Variants in NOTCH4 observed in about 807,000 individuals in gnomAD.
NOTCH4 encodes the protein neurogenic locus notch homolog protein 4.
In NOTCH4, 138 loss-of-function variants were observed where a neutral mutation model predicts 189.0. The observed-to-expected ratio is 0.73, with a 90% CI of 0.64 to 0.84. The LOEUF (loss-of-function observed/expected upper bound fraction) is 0.84, where lower values mean the gene tolerates loss of function less well. NOTCH4 is among the 40% of genes least tolerant of loss of function. The pLI is 0.00. For missense variants in NOTCH4, 2,286 were observed against 2,605.4 expected, an observed-to-expected ratio of 0.88 and a Z score of 2.67; for synonymous variants, 942 against 1,032.8, an observed-to-expected ratio of 0.91 and a Z score of 1.69.
Position 32,219,575 on chromosome 6 carries a change from C to T in NOTCH4, c.1510+17G>A. The T allele has an allele frequency of 6.2e-7, 1 of 1,609,218 alleles. No homozygotes were observed. The highest frequency in any genetic ancestry group is 8.5e-7 in the Non-Finnish European group (1 of 1,178,022). ...AGTTCCCTGTTTTCCCCACCCAAGGCCCCATCCAGCTGATACCTGGCGGGC... is the reference window on the plus strand; with the variant it reads ...AGTTCCCTGTTTTCCCCACCCAAGGTCCCATCCAGCTGATACCTGGCGGGC... On this transcript the variant is annotated intron_variant, in intron 8 of 29. Coordinates refer to ENST00000375023, the MANE Select transcript of NOTCH4 (RefSeq NM_004557.4).
At position 32,203,816 on chromosome 6, in the gene NOTCH4, T is replaced by C. The variant is rs775089646; in HGVS notation, c.3185A>G (p.Glu1062Gly). The part of the protein sequence containing the change: ...SQPCFHGGTC[E>G]ATAGSPLGFI... ...ACCCAGGGGTGATCCTGCTGTGGCC[T>C]CACAGGTCCCTCCATGAAAGCAGGG... The change falls in exon 20 of 30, where the codon GAG becomes GGG. Residue 1062 changes from glutamate (E) to glycine (G), a missense_variant. Around this residue, in one of 2 missense-constraint regions of NOTCH4, gnomAD observed 1,903 missense variants for 2,261.9 expected, o/e 0.84. Transcript: ENST00000375023. The C allele has an allele frequency of 1.8e-5, 28 of 1,561,808 alleles. No individual in the cohort carries two copies. The highest frequency in any genetic ancestry group is 2.4e-5 in the Non-Finnish European group (28 of 1,152,538).
chr6:32,196,247 C>T lies in NOTCH4; in HGVS notation c.5298+77G>A, dbSNP rs553717397. 1.5e-5 allele frequency: 24 copies of T among 1,612,398 alleles called. 1 individual carries two copies. In the South Asian group the frequency reaches 2.3e-4, roughly 15 times the overall value. On this transcript the variant is annotated intron_variant, in intron 29 of 29. Transcript: ENST00000375023. ...GCGCGACCACTGGCCCCTATCCCTT[C>T]AGGCTTTGCGGGTTACCGCACTTTC...
At position 32,210,637 on chromosome 6, in the gene NOTCH4, TA is replaced by T. The variant is rs1788950385; in HGVS notation, c.2865+114del. 4.2e-4 allele frequency: 428 copies of T among 1,024,112 alleles called. No individual in the cohort carries two copies. The highest frequency in any genetic ancestry group is 5.0e-4 in the Non-Finnish European group (342 of 679,522). 63.4% of individuals were successfully genotyped at this position (1,024,112 alleles called of 1,614,324 possible). On this transcript the variant is annotated intron_variant, in intron 18 of 29. Coordinates refer to ENST00000375023, the MANE Select transcript of NOTCH4 (RefSeq NM_004557.4). The surrounding 1 kb of genome is among the most constrained non-coding windows in gnomAD (Gnocchi z 4.8). ...TTGTGGTTAGTTGGGTGTGTGGGGT[TA>T]AAAAAAATAAAAGGAGGTGAAATGG... is the stretch of plus-strand genomic sequence containing the variant.
At chr6:32,207,756 C>T (rs527629660) in intron 18 of NOTCH4, among the ~76,000 whole-genome samples, 141 of 151,778 alleles carry the variant, frequency 9.3e-4, no homozygotes, top group African/African-American at 3.1e-3. Context: ...CAGCCGGGCA[C>T]GGTGGGTCAC....
At position 32,219,747 on chromosome 6, in the gene NOTCH4, C is replaced by T. The variant is rs2127485904; in HGVS notation, c.1355G>A (p.Cys452Tyr). The T allele has an allele frequency of 6.2e-7, 1 of 1,612,682 alleles. No individual in the cohort carries two copies. Among genetic ancestry groups the T allele is most frequent in the Non-Finnish European group, 8.5e-7 (1 of 1,179,798 alleles). Residue 452 changes from cysteine (C) to tyrosine (Y), a missense_variant, in exon 8 of 30, where the codon TGC (cysteine) becomes TAC (tyrosine). Cys to Tyr is a radical substitution (Grantham distance 194, BLOSUM62 -2). Transcript: ENST00000375023. ...GTTGAAGGAGCCAGGAGTGTTGAGG[C>T]AGGAACCGCCATGTTCACAGGGACT... The part of the protein sequence containing the change: ...GPSPCEHGGS[C>Y]LNTPGSFNCL...
intron 18 of NOTCH4, among the ~76,000 whole-genome samples, chr6:32,209,622 C>T (rs1030727940): frequency 6.6e-6 from 1 of 152,118 alleles, no homozygotes; most frequent in Non-Finnish European, 1.5e-5. Flanking sequence ...GTGGCTCATA[C>T]CTGTAATCTT....
At position 32,195,441 on chromosome 6, in the gene NOTCH4, T is replaced by G; in HGVS notation, c.6008A>C (p.Lys2003Thr). Residue 2003 changes from lysine to threonine, a missense_variant, in exon 30 of 30, where the codon AAA becomes ACA. Transcript: ENST00000375023. This position sits in a 1 kb window ranked among gnomAD's most constrained non-coding sequence, Gnocchi z 5.4. ...TCCTCCCTACCATGTATTCTTCTAT[T>G]TTTTACCCTCTCCTCCTTGGTTTAT... Reference protein sequence around the residue: ...MPINQGGEGKK With the variant: ...MPINQGGEGKT 6.3e-7 allele frequency: 1 copy of G among 1,587,294 alleles called. No individual in the cohort carries two copies. Among genetic ancestry groups the G allele is most frequent in the Non-Finnish European group, 8.6e-7 (1 of 1,166,796 alleles).
In NOTCH4 at chr6:32,223,843, C is replaced by T. The variant is rs3134930; in HGVS notation, c.73+13G>A. The T allele has an allele frequency of 0.25, 393,657 of 1,602,948 alleles. 50,663 individuals carry two copies. The highest frequency in any genetic ancestry group is 0.31 in the Middle Eastern group (1,841 of 6,008). ...GAGCTGGGTCCCCTCACCTCACCCA[C>T]GCCATGCCTCACCTCTGGGTCTGAC... is the stretch of plus-strand genomic sequence containing the variant. On this transcript the variant is annotated intron_variant, in intron 1 of 29. Coordinates refer to ENST00000375023, the MANE Select transcript of NOTCH4 (RefSeq NM_004557.4).
rs557911728 is a variant in NOTCH4 at position 32,213,199 on chromosome 6, G to C, written c.2374C>G (p.Leu792Val). ...GGGCCCTGGAAGCCCATGGCACAGA[G>C]GCAGGAGAAGGTGCCAGGCCTGTTC... ...CVNRPGTFSC[L>V]CAMGFQGPRC... Residue 792 changes from leucine (L) to valine (V), a missense_variant, in exon 15 of 30, where the codon CTC becomes GTC. This residue lies in a region of NOTCH4 where 1,903 missense variants were observed against 2,261.9 expected (regional missense o/e 0.84). Coordinates refer to ENST00000375023, the MANE Select transcript of NOTCH4 (RefSeq NM_004557.4). 1 of 1,614,044 alleles carries C rather than the reference G, an allele frequency of 6.2e-7. No homozygotes were observed. The highest frequency in any genetic ancestry group is 1.1e-5 in the South Asian group (1 of 91,080).
In NOTCH4 at chr6:32,212,341, G is replaced by A; in HGVS notation, c.2680+133C>T. 1 of 802,930 alleles carries A rather than the reference G, an allele frequency of 1.2e-6. No homozygotes were observed. The highest frequency in any genetic ancestry group is 2.0e-6 in the Non-Finnish European group (1 of 500,318). The allele number at this position is 802,930 out of a possible 1,614,324, so 49.7% of individuals were successfully genotyped here. A position where few individuals can be genotyped will look rare whatever the true frequency, so the allele number is the denominator to read the frequency against. On this transcript the variant is annotated intron_variant, in intron 17 of 29. Transcript: ENST00000375023. The surrounding 1 kb of genome is among the most constrained non-coding windows in gnomAD (Gnocchi z 4.4). Reference sequence around the variant, plus strand: ...TTCAACACCTCTGCAATCAAGAACTGATTTGTCTGTGTGGTTTTGATTCTC... The same window carrying A: ...TTCAACACCTCTGCAATCAAGAACTAATTTGTCTGTGTGGTTTTGATTCTC...
chr6:32,217,061 T>C lies in NOTCH4; in HGVS notation c.1745A>G (p.Glu582Gly). The C allele has an allele frequency of 6.2e-7, 1 of 1,613,078 alleles. No homozygotes were observed. The highest frequency in any genetic ancestry group is 1.1e-5 in the South Asian group (1 of 91,086). The change falls in exon 11 of 30, where the codon GAA (glutamate) becomes GGA (glycine). Residue 582 changes from glutamate to glycine, a missense_variant. Coordinates refer to ENST00000375023, the MANE Select transcript of NOTCH4 (RefSeq NM_004557.4). The surrounding 1 kb of genome is among the most constrained non-coding windows in gnomAD (Gnocchi z 4.2). ...AFHCKCLPGFEGPRCQTEVDE... is the reference protein window; with the variant it reads ...AFHCKCLPGFGGPRCQTEVDE... ...CACCTCTGTTTGACAGCGTGGCCCT[T>C]CAAAGCCTGTGGCACAGCAGGAAGG... is the stretch of plus-strand genomic sequence containing the variant.
chr6:32,197,208 T>C (rs1788002402), intron 27 of NOTCH4, 91 bp downstream of exon 27: 1 of 1,515,974 alleles, frequency 6.6e-7, no homozygotes, highest in South Asian at 1.3e-5. Flanking sequence ...ATCACACCAA[T>C]TTCCTCCTTG....
rs749370123 is a variant in NOTCH4 at position 32,223,948 on chromosome 6, G to T, written c.-20C>A. 1 of 1,588,460 alleles carries T rather than the reference G, an allele frequency of 6.3e-7. No homozygotes were observed. Among genetic ancestry groups the T allele is most frequent in the Non-Finnish European group, 8.5e-7 (1 of 1,174,090 alleles). On this transcript the variant is annotated 5_prime_UTR_variant, in exon 1 of 30. Transcript: ENST00000375023. ...CTGCATTCCACAGCCCCTTCTCCAA[G>T]CCCCGGTCCCTGTCCCTCTTCAGGC...
rs1410160200 is a variant in NOTCH4, at chr6:32,196,152, T to C, written c.5299-2A>G. The C allele has an allele frequency of 1.9e-6, 3 of 1,589,234 alleles. No homozygotes were observed. Among genetic ancestry groups the C allele is most frequent in the Non-Finnish European group, 2.6e-6 (3 of 1,173,734 alleles). ...CGCCAGGAATAGCGGCGTCTGCTCC[T>C]GTACAGAAGAGCCAGGGCCGATATC... On this transcript the variant is annotated splice_acceptor_variant, in intron 29 of 29. Transcript: ENST00000375023. LOFTEE classifies it high-confidence loss of function.
At position 32,195,862 on chromosome 6, in the gene NOTCH4, T is replaced by C. The variant is rs1208783268; in HGVS notation, c.5587A>G (p.Thr1863Ala). 2.5e-6 allele frequency: 4 copies of C among 1,595,466 alleles called. No homozygotes were observed. The highest frequency in any genetic ancestry group is 1.1e-5 in the South Asian group (1 of 90,592). Residue 1863 changes from threonine (T) to alanine (A), a missense_variant, in exon 30 of 30, where the codon ACG (threonine) becomes GCG (alanine). By Grantham distance (58) the Thr-to-Ala change is moderately conservative. This residue lies in a region of NOTCH4 where 383 missense variants were observed against 343.5 expected (regional missense o/e 1.11). Transcript: ENST00000375023. This position sits in a 1 kb window ranked among gnomAD's most constrained non-coding sequence, Gnocchi z 5.4. ...CGAGGGCCTGCTCCGGCTGACAGCG[T>C]CCGGCAGCGCGGCAGAGCCCCGCCC... ...HGGGALPRCR[T>A]LSAGAGPRGG...
In NOTCH4 at chr6:32,198,675, G is replaced by A; in HGVS notation, c.4591C>T (p.Pro1531Ser). The change falls in exon 25 of 30, where the codon CCT becomes TCT. Residue 1531 changes from proline to serine, a missense_variant. Around this residue, in one of 2 missense-constraint regions of NOTCH4, gnomAD observed 1,903 missense variants for 2,261.9 expected, o/e 0.84. Coordinates refer to ENST00000375023, the MANE Select transcript of NOTCH4 (RefSeq NM_004557.4). This position sits in a 1 kb window ranked among gnomAD's most constrained non-coding sequence, Gnocchi z 5.5. ...DEDGVVMCSG[P>S]EEGEEVGQAE... Reference sequence around the variant, plus strand: ...TGGCCCACCTCCTCTCCCTCCTCAGGGCCTGAGCACATCACAACTCCATCC... The same window carrying A: ...TGGCCCACCTCCTCTCCCTCCTCAGAGCCTGAGCACATCACAACTCCATCC... 1 of 1,612,594 alleles carries A rather than the reference G, an allele frequency of 6.2e-7. No homozygotes were observed. Among genetic ancestry groups the A allele is most frequent in the Non-Finnish European group, 8.5e-7 (1 of 1,179,832 alleles).
At chr6:32,205,770 G>C (rs1373087095) in intron 18 of NOTCH4, among the ~76,000 whole-genome samples, 1 of 152,030 alleles carries the variant, frequency 6.6e-6, no homozygotes, top group Non-Finnish European at 1.5e-5. Context: ...GCTCACGCCT[G>C]TAATCCCAGC....
rs1030183309 is a variant in NOTCH4, at chr6:32,194,918, C to T, written c.*519G>A. ...TAGCGATAGCAGTGGCTAGAAGAAG[C>T]GCTTCATCCCCACAGTGGAGTTCTT... On this transcript the variant is annotated 3_prime_UTR_variant, in exon 30 of 30. Coordinates refer to ENST00000375023, the MANE Select transcript of NOTCH4 (RefSeq NM_004557.4). The surrounding 1 kb of genome is among the most constrained non-coding windows in gnomAD (Gnocchi z 4.5). 8.5e-6 allele frequency: 2 copies of T among 234,500 alleles called. No individual in the cohort carries two copies. The highest frequency in any genetic ancestry group is 2.2e-5 in the African/African-American group (1 of 45,494). 14.5% of individuals were successfully genotyped at this position (234,500 alleles called of 1,614,324 possible).
At chr6:32,207,859 T>C (rs1202414790) in intron 18 of NOTCH4, among the ~76,000 whole-genome samples, 2 of 150,690 alleles carry the variant, frequency 1.3e-5, no homozygotes, top group Non-Finnish European at 1.5e-5. Flanking sequence ...AAAAAATAGC[T>C]GGGCGTGGTG....
Sources: gnomAD v4.1 joint callset for allele counts (sites outside exome capture counted in the v4.1 genomes callset) on GRCh38, gnomAD v4.1.1 for gene constraint, gnomAD v4.1.1 regional missense constraint, Gnocchi (gnomAD v3.1) non-coding constraint, MANE v1.5 for transcripts, NCBI Gene and HGNC (gene_info 2026-07-23, HGNC 2026-07-21) for gene names.